The following E2F2 variants were observed in gnomAD, a reference collection of about 807,000 sequenced individuals.
The protein encoded by E2F2 is transcription factor E2F2.
A neutral mutation model predicts 42.2 loss-of-function variants in E2F2; 22 were observed. That is an observed-to-expected ratio of 0.52 (90% CI 0.37 to 0.74). The LOEUF is 0.74. Among genes scored for constraint, E2F2 ranks in the 30% least tolerant of loss-of-function variants. E2F2 has a pLI of 0.00. For missense variants in E2F2, 481 were observed against 557.8 expected, an observed-to-expected ratio of 0.86 and a Z score of 1.39; for synonymous variants, 248 against 251.6, an observed-to-expected ratio of 0.99 and a Z score of 0.13.
rs1194642459 is a variant in E2F2, at chr1:23,509,693, C to T, written c.*187G>A. ...AGGAAGGTGAGGACCACCCCTTATC[C>T]ACTCCTCACCCGTACCATTCATATC... is the stretch of plus-strand genomic sequence containing the variant. On this transcript the variant is annotated 3_prime_UTR_variant, in exon 7 of 7. Coordinates refer to ENST00000361729, the MANE Select transcript of E2F2 (RefSeq NM_004091.4). 3 of 1,143,616 alleles carry T rather than the reference C, an allele frequency of 2.6e-6. No homozygotes were observed. The highest frequency in any genetic ancestry group is 1.6e-5 in the African/African-American group (1 of 62,464). 70.8% of individuals were successfully genotyped at this position (1,143,616 alleles called of 1,614,324 possible). A position where few individuals can be genotyped will look rare whatever the true frequency, so the allele number is the denominator to read the frequency against.
chr1:23,522,378 T>C (rs1324648780), intron 2 of E2F2, among the ~76,000 whole-genome samples: 1 of 152,220 alleles, frequency 6.6e-6, no homozygotes, highest in Non-Finnish European at 1.5e-5. Flanking sequence ...TTCTAAGTGC[T>C]TTCCATGTAC....
intron 2 of E2F2, among the ~76,000 whole-genome samples, chr1:23,522,662 T>G (rs1180743970): frequency 6.6e-6 from 1 of 152,160 alleles, no homozygotes; most frequent in Non-Finnish European, 1.5e-5. Flanking sequence ...ACACTTGCTT[T>G]TTCTTCCCAT....
Position 23,521,957 on chromosome 1 carries a change from A to AGG in E2F2, c.456_457dup (p.Leu153ProfsTer4). On this transcript the variant is annotated frameshift_variant, in exon 3 of 7. Transcript: ENST00000361729. LOFTEE classifies it high-confidence loss of function. The stretch of plus-strand genomic sequence containing the variant: ...CACCTCAGCGGCCCAGTTCAGGTCC[A>AGG]GGACCCCATCCTCTGACTCGCTCAG... 6.2e-7 allele frequency: 1 copy of AGG among 1,614,202 alleles called. No homozygotes were observed. Among genetic ancestry groups the AGG allele is most frequent in the Non-Finnish European group, 8.5e-7 (1 of 1,180,032 alleles).
At chr1:23,527,615 G>C (rs1421280827) in intron 1 of E2F2, among the ~76,000 whole-genome samples, 1 of 152,226 alleles carries the variant, frequency 6.6e-6, no homozygotes, top group African/African-American at 2.4e-5. Context: ...GCAGAGTGGA[G>C]CCTGGTCTCT....
intron 6 of E2F2, among the ~76,000 whole-genome samples, chr1:23,511,570 T>G (rs1642909242): frequency 6.6e-6 from 1 of 152,100 alleles, no homozygotes; most frequent in African/African-American, 2.4e-5. Context: ...GACGGTGATT[T>G]CCCATACAGG....
chr1:23,528,340 C>T (rs575345949), intron 1 of E2F2, among the ~76,000 whole-genome samples: 62 of 152,306 alleles, frequency 4.1e-4, no homozygotes, highest in African/African-American at 1.3e-3. Context: ...CTTTGCAGCC[C>T]GGCCACAAAG....
chr1:23,529,303 C>G lies in E2F2; in HGVS notation c.252+1239G>C, dbSNP rs1172700613. Among the ~76,000 whole-genome samples, 4 of 152,302 alleles carry G rather than the reference C, an allele frequency of 2.6e-5. No individual in the cohort carries two copies. The East Asian group carries it at 7.7e-4, about 29-fold the overall frequency. Reference sequence around the variant, plus strand: ...AAAATGGGGATAATACCATTCCTGCCCACTGCCCTCCTAGTTAGAAATCAT... The same window carrying G: ...AAAATGGGGATAATACCATTCCTGCGCACTGCCCTCCTAGTTAGAAATCAT... On this transcript the variant is annotated intron_variant, in intron 1 of 6. Coordinates refer to ENST00000361729, the MANE Select transcript of E2F2 (RefSeq NM_004091.4).
In E2F2 at chr1:23,506,647, G is replaced by T. The variant is rs10917394; in HGVS notation, c.*3233C>A. On this transcript the variant is annotated 3_prime_UTR_variant, in exon 7 of 7. Coordinates refer to ENST00000361729, the MANE Select transcript of E2F2 (RefSeq NM_004091.4). The stretch of plus-strand genomic sequence containing the variant: ...CCAGGAGCCAGCAGGCTGGCCAGGC[G>T]TGTGGCCACCATGGTCACTGAGGAT... 6.6e-6 allele frequency: 1 copy of T among 152,354 alleles called. No individual in the cohort carries two copies. The highest frequency in any genetic ancestry group is 6.5e-5 in the Admixed American group (1 of 15,298). 9.4% of individuals were successfully genotyped at this position (152,354 alleles called of 1,614,324 possible). A position where few individuals can be genotyped will look rare whatever the true frequency, so the allele number is the denominator to read the frequency against.
rs1342877868 is a variant in E2F2, at chr1:23,507,973, A to T, written c.*1907T>A. 1.3e-5 allele frequency: 2 copies of T among 150,674 alleles called. No individual in the cohort carries two copies. The highest frequency in any genetic ancestry group is 3.0e-5 in the Non-Finnish European group (2 of 67,770). 9.3% of individuals were successfully genotyped at this position (150,674 alleles called of 1,614,324 possible). On this transcript the variant is annotated 3_prime_UTR_variant, in exon 7 of 7. Coordinates refer to ENST00000361729, the MANE Select transcript of E2F2 (RefSeq NM_004091.4). Reference sequence around the variant, plus strand: ...AATGGCAGCCCAGTGGAGACCTCAGAGCAGCCCACTCACCACAAACGAGAT... The same window carrying T: ...AATGGCAGCCCAGTGGAGACCTCAGTGCAGCCCACTCACCACAAACGAGAT...
At chr1:23,517,279 G>A (rs959599169) in intron 5 of E2F2, among the ~76,000 whole-genome samples, 3 of 152,046 alleles carry the variant, frequency 2.0e-5, no homozygotes, top group South Asian at 2.1e-4. Context: ...CCACATAACC[G>A]CAACTTAAGC....
At chr1:23,514,291 G>A (rs2148692389) in intron 6 of E2F2, among the ~76,000 whole-genome samples, 1 of 152,298 alleles carries the variant, frequency 6.6e-6, no homozygotes, top group Admixed American at 6.5e-5. Flanking sequence ...ACCAGAGGGT[G>A]GGGCAGAGGT....
Position 23,521,934 on chromosome 1 carries a change from C to A in E2F2, c.481G>T (p.Val161Leu), listed in dbSNP as rs1643157449. The A allele has an allele frequency of 6.2e-7, 1 of 1,614,228 alleles. No individual in the cohort carries two copies. Among genetic ancestry groups the A allele is most frequent in the Admixed American group, 1.7e-5 (1 of 60,026 alleles). The change falls in exon 3 of 7, where the codon GTG (valine) becomes TTG (leucine). Residue 161 changes from valine to leucine, a missense_variant. Transcript: ENST00000361729. ...ATGCGCCGCTTCTGCACGTCCAGCACCTCAGCGGCCCAGTTCAGGTCCAGG... is the reference window on the plus strand; with the variant it reads ...ATGCGCCGCTTCTGCACGTCCAGCAACTCAGCGGCCCAGTTCAGGTCCAGG... ...GVLDLNWAAE[V>L]LDVQKRRIYD...
Position 23,510,150 on chromosome 1 carries a change from T to G in E2F2, c.1046-2A>C, listed in dbSNP as rs1306159382. On this transcript the variant is annotated splice_acceptor_variant, in intron 6 of 6. Coordinates refer to ENST00000361729, the MANE Select transcript of E2F2 (RefSeq NM_004091.4). LOFTEE classifies it high-confidence loss of function. ...GGGGGGTTGGCGCTGGTGCTGGCAC[T>G]GGAGACAAACAGACAAAGGTTACGC... is the stretch of plus-strand genomic sequence containing the variant. 2.5e-6 allele frequency: 4 copies of G among 1,591,110 alleles called. No homozygotes were observed. The African/African-American group carries it at 5.4e-5, about 21-fold the overall frequency.
intron 4 of E2F2, among the ~76,000 whole-genome samples, chr1:23,520,230 T>G (rs1312828410): frequency 1.8e-5 from 2 of 114,260 alleles, no homozygotes; most frequent in Non-Finnish European, 3.3e-5. Flanking sequence ...TGGGCAAGAG[T>G]GAGACTCTGT....
intron 1 of E2F2, among the ~76,000 whole-genome samples, chr1:23,527,227 C>T (rs551435668): frequency 3.9e-5 from 6 of 152,346 alleles, no homozygotes; most frequent in African/African-American, 1.4e-4. Flanking sequence ...TGCAGCAAAG[C>T]GCTTTGCCCA....
chr1:23,527,306 G>T (rs550350592), intron 1 of E2F2, among the ~76,000 whole-genome samples: 8 of 152,378 alleles, frequency 5.3e-5, no homozygotes, highest in African/African-American at 1.9e-4. Flanking sequence ...AAAGGGGAAA[G>T]TTCAAGGGTG....
At chr1:23,518,979 C>T (rs893556844) in intron 5 of E2F2, 37 bp downstream of exon 5, 12 of 1,564,966 alleles carry the variant, frequency 7.7e-6, no homozygotes, top group Non-Finnish European at 1.1e-5. Flanking sequence ...CTGGCAGGGT[C>T]TCAACCCTGC....
rs531447905 is a variant in E2F2 at position 23,523,359 on chromosome 1, G to A, written c.358+1024C>T. Among the ~76,000 whole-genome samples, 60 of 152,224 alleles carry A rather than the reference G, an allele frequency of 3.9e-4. 1 individual carries two copies. In the South Asian group the frequency reaches 4.3e-3, roughly 11 times the overall value. On this transcript the variant is annotated intron_variant, in intron 2 of 6. Coordinates refer to ENST00000361729, the MANE Select transcript of E2F2 (RefSeq NM_004091.4). ...TTTAGTATAGACGGGGTTTCACCAC[G>A]TTGGCCAGGCTGGTCTGGAACTCCT... is the stretch of plus-strand genomic sequence containing the variant.
Position 23,516,460 on chromosome 1 carries a change from ACCT to A in E2F2, c.917_919del (p.Glu306del), listed in dbSNP as rs1440194192. The A allele has an allele frequency of 6.2e-7, 1 of 1,609,736 alleles. No homozygotes were observed. The highest frequency in any genetic ancestry group is 8.5e-7 in the Non-Finnish European group (1 of 1,178,114). On this transcript the variant is annotated inframe_deletion, in exon 6 of 7. Transcript: ENST00000361729. ...CTCGGAAGGACTGTCCGGCTCCTGCACCTCCTCTGGGCACAGGTAGACTTCGAT... is the reference window on the plus strand; with the variant it reads ...CTCGGAAGGACTGTCCGGCTCCTGCACCTCTGGGCACAGGTAGACTTCGAT...
Sources: allele counts gnomAD v4.1 joint callset (sites outside exome capture counted in the v4.1 genomes callset), GRCh38; gene constraint gnomAD v4.1.1; transcripts MANE v1.5; gene names NCBI Gene and HGNC (gene_info 2026-07-23, HGNC 2026-07-21).